Variants in PAG1 observed in about 807,000 individuals in gnomAD.
PAG1 encodes the protein phosphoprotein membrane anchor with glycosphingolipid microdomains 1, also known as phosphoprotein associated with glycosphingolipid-enriched microdomains 1.
A neutral mutation model predicts 31.7 loss-of-function variants in PAG1; 23 were observed. The observed-to-expected ratio is 0.73, with a 90% confidence interval of 0.52 to 1.03. The LOEUF (loss-of-function observed/expected upper bound fraction) is 1.03. Among genes scored for constraint, PAG1 ranks in the 50% least tolerant of loss-of-function variants. The pLI is 0.00. For synonymous variants in PAG1, 214 were observed against 210.3 expected (o/e 1.02, Z -0.15); for missense variants, 473 against 540.7 (o/e 0.87, Z 1.24).
intron 3 of PAG1, among the ~76,000 whole-genome samples, chr8:81,029,364 T>TCACACACA (rs71266099): frequency 2.7e-5 from 4 of 145,500 alleles, no homozygotes; most frequent in Non-Finnish European, 6.0e-5. Flanking sequence ...TCTCTCTCTC[T>TCACACACA]CACACACACA....
chr8:81,009,899 G>A (rs1287620795), intron 3 of PAG1, among the ~76,000 whole-genome samples: 2 of 152,226 alleles, frequency 1.3e-5, no homozygotes, highest in African/African-American at 4.8e-5. Context: ...ACAGGTGTGA[G>A]CCACTGTGCC....
chr8:81,110,186 CCT>C (rs1316529899), intron 1 of PAG1, among the ~76,000 whole-genome samples: 1 of 152,130 alleles, frequency 6.6e-6, no homozygotes, highest in Non-Finnish European at 1.5e-5. Context: ...AAAACATACC[CCT>C]GAGCTTTGGT....
At chr8:81,055,843 A>T (rs1808813796) in intron 2 of PAG1, among the ~76,000 whole-genome samples, 1 of 152,190 alleles carries the variant, frequency 6.6e-6, no homozygotes, top group African/African-American at 2.4e-5. Flanking sequence ...CTTATCAGCT[A>T]AAGGAGATTT....
intron 1 of PAG1, among the ~76,000 whole-genome samples, chr8:81,097,401 T>C (rs571156632): frequency 1.3e-5 from 2 of 152,276 alleles, no homozygotes; most frequent in African/African-American, 2.4e-5. Context: ...AAGGAATGTG[T>C]GCAAACTCAG....
chr8:80,973,918 T>G lies in PAG1; in HGVS notation c.*2626A>C, dbSNP rs1368302725. On this transcript the variant is annotated 3_prime_UTR_variant, in exon 9 of 9. Coordinates refer to ENST00000220597, the MANE Select transcript of PAG1 (RefSeq NM_018440.4). ...TCTCTCCCCCAGCCCTCATGGCCTG[T>G]GCTACCATCTATTCTTTTAGCGTTT... 6.6e-6 allele frequency: 1 copy of G among 152,238 alleles called. No homozygotes were observed. Among genetic ancestry groups the G allele is most frequent in the Non-Finnish European group, 1.5e-5 (1 of 68,046 alleles). The allele number at this position is 152,238 out of a possible 1,614,324, so 9.4% of individuals were successfully genotyped here. A position where few individuals can be genotyped will look rare whatever the true frequency, so the allele number is the denominator to read the frequency against.
intron 2 of PAG1, among the ~76,000 whole-genome samples, chr8:81,054,056 G>C (rs1032927805): frequency 6.6e-6 from 1 of 152,128 alleles, no homozygotes; most frequent in African/African-American, 2.4e-5. Context: ...ATAGGTGCCA[G>C]AATGTATTCA....
rs1216781491 is a variant in PAG1 at position 80,993,413 on chromosome 8, G to A, written c.-80-106C>T. On this transcript the variant is annotated intron_variant, in intron 3 of 8. Coordinates refer to ENST00000220597, the MANE Select transcript of PAG1 (RefSeq NM_018440.4). The stretch of plus-strand genomic sequence containing the variant: ...GACCTTTGCGCAAAGTCAGGGAAGC[G>A]TGTGCTGGATGCTGAGGAGAGCCCC... The A allele has an allele frequency of 2.1e-5, 12 of 569,874 alleles. No homozygotes were observed. In the South Asian group the frequency reaches 2.1e-4, roughly 10 times the overall value. The allele number at this position is 569,874 out of a possible 1,614,324, so 35.3% of individuals were successfully genotyped here.
At chr8:81,074,980 C>T (rs1209518122) in intron 1 of PAG1, among the ~76,000 whole-genome samples, 1 of 152,178 alleles carries the variant, frequency 6.6e-6, no homozygotes, top group African/African-American at 2.4e-5. Context: ...GCTTAAAATT[C>T]AATTTCCCAA....
rs919833830 is a variant in PAG1, at chr8:81,095,247, G to A, written c.-234+16344C>T. 2.2e-4 allele frequency among the ~76,000 whole-genome samples: 34 copies of A among 152,204 alleles called. 1 individual carries two copies. Among genetic ancestry groups the A allele is most frequent in the Non-Finnish European group, 4.4e-5 (3 of 68,022 alleles). ...ACAGAGGACAGAGGACAAAAGAGGA[G>A]CCCAGCATTTCAGCATCAAGTCAGC... On this transcript the variant is annotated intron_variant, in intron 1 of 8. Transcript: ENST00000220597.
rs534263659 is a variant in PAG1, at chr8:81,099,861, T to C, written c.-234+11730A>G. Among the ~76,000 whole-genome samples the C allele has an allele frequency of 2.0e-5, 3 of 152,340 alleles. No individual in the cohort carries two copies. The South Asian group carries it at 6.2e-4, about 32-fold the overall frequency. On this transcript the variant is annotated intron_variant, in intron 1 of 8. Transcript: ENST00000220597. Reference sequence around the variant, plus strand: ...GTTCAGTTGAAATTGGAGACTTTTATGGCATGTAAACTAGAACTCGATGAA... The same window carrying C: ...GTTCAGTTGAAATTGGAGACTTTTACGGCATGTAAACTAGAACTCGATGAA...
chr8:81,053,037 A>T (rs1001822442), intron 2 of PAG1, among the ~76,000 whole-genome samples: 1 of 152,234 alleles, frequency 6.6e-6, no homozygotes, highest in African/African-American at 2.4e-5. Context: ...ATCAGTTATT[A>T]TAGCATAATT....
chr8:81,080,055 C>T (rs977994387), intron 1 of PAG1, among the ~76,000 whole-genome samples: 1 of 152,138 alleles, frequency 6.6e-6, no homozygotes, highest in South Asian at 2.1e-4. Context: ...CAGGCATGAG[C>T]CACTGCACCT....
chr8:81,073,352 C>A (rs1481042826), intron 1 of PAG1, among the ~76,000 whole-genome samples: 4 of 152,194 alleles, frequency 2.6e-5, no homozygotes, highest in African/African-American at 9.7e-5. Context: ...ACCAACCTCC[C>A]TGAGAGCATC....
chr8:81,007,545 G>A (rs535570137), intron 3 of PAG1, among the ~76,000 whole-genome samples: 26 of 138,448 alleles, frequency 1.9e-4, no homozygotes, highest in Admixed American at 5.2e-4. Context: ...GCTGGGGCAG[G>A]AGAATTGTTT....
In PAG1 at chr8:81,023,902, G is replaced by T. The variant is rs149990178; in HGVS notation, c.-81+6094C>A. 3.3e-3 allele frequency among the ~76,000 whole-genome samples: 505 copies of T among 152,304 alleles called. 3 individuals are homozygous for T. Among genetic ancestry groups the T allele is most frequent in the Non-Finnish European group, 5.0e-3 (340 of 68,028 alleles). ...AAGTCTGTAAGAATTTTGACCAGAT[G>T]ACTGCAAATGATAATCGTCACAACA... On this transcript the variant is annotated intron_variant, in intron 3 of 8. Transcript: ENST00000220597.
intron 3 of PAG1, among the ~76,000 whole-genome samples, chr8:81,017,198 G>T (rs894039627): frequency 1.1e-4 from 16 of 152,222 alleles, no homozygotes; most frequent in Admixed American, 8.5e-4. Flanking sequence ...CTTTGGGCAT[G>T]TTTAAACTTA....
chr8:81,086,262 T>A (rs1351436066), intron 1 of PAG1, among the ~76,000 whole-genome samples: 2 of 152,056 alleles, frequency 1.3e-5, no homozygotes, highest in Non-Finnish European at 1.5e-5. Flanking sequence ...ATTACAGGCG[T>A]GAGCCACCGC....
At chr8:81,027,134 C>T (rs984081987) in intron 3 of PAG1, among the ~76,000 whole-genome samples, 1 of 152,056 alleles carries the variant, frequency 6.6e-6, no homozygotes, top group Non-Finnish European at 1.5e-5. Context: ...CTTCAGCCTC[C>T]CAGGTAGCTG....
At position 80,976,545 on chromosome 8, in the gene PAG1, T is replaced by C; in HGVS notation, c.1298A>G (p.Ter433TrpextTer61). 1 of 1,608,480 alleles carries C rather than the reference T, an allele frequency of 6.2e-7. No homozygotes were observed. Among genetic ancestry groups the C allele is most frequent in the Non-Finnish European group, 8.5e-7 (1 of 1,177,856 alleles). ...LQQGRDITRL* is the reference protein window; with the variant it reads ...LQQGRDITRLW ...TACCCAGGGTTGTCTTCTGGGTTGC[T>C]AGAGCCTGGTAATATCTCTGCCTTG... Residue 433 changes from the stop codon to tryptophan, a stop_lost, in exon 9 of 9, where the codon TAG becomes TGG. Coordinates refer to ENST00000220597, the MANE Select transcript of PAG1 (RefSeq NM_018440.4).
Sources: gnomAD v4.1 joint callset for allele counts (sites outside exome capture counted in the v4.1 genomes callset) on GRCh38, gnomAD v4.1.1 for gene constraint, MANE v1.5 for transcripts, NCBI Gene and HGNC (gene_info 2026-07-23, HGNC 2026-07-21) for gene names.